NELL1: variants seen among roughly 807,000 people sequenced by gnomAD.
NELL1 encodes the protein protein kinase C-binding protein NELL1.
In NELL1, 76 loss-of-function variants were observed where a neutral mutation model predicts 107.4. The ratio of observed to expected loss-of-function variants is 0.71; its 90% confidence interval spans 0.59 to 0.86. NELL1 has a LOEUF of 0.86. Ranked by LOEUF, NELL1 falls within the 40% of genes least tolerant of loss-of-function variation. NELL1 has a pLI of 0.00. For synonymous variants in NELL1, 353 were observed against 341.2 expected, an observed-to-expected ratio of 1.03 and a Z score of -0.38; for missense variants, 1,024 against 1,005.5, an observed-to-expected ratio of 1.02 and a Z score of -0.25.
intron 12 of NELL1, among the ~76,000 whole-genome samples, chr11:20,971,459 A>G (rs1482312760): frequency 6.6e-6 from 1 of 152,156 alleles, no homozygotes; most frequent in Non-Finnish European, 1.5e-5. Context: ...TTTTTTGGTT[A>G]TTTAAAAATA....
At chr11:20,721,578 T>C (rs923786287) in intron 2 of NELL1, among the ~76,000 whole-genome samples, 4 of 152,192 alleles carry the variant, frequency 2.6e-5, no homozygotes, top group Non-Finnish European at 5.9e-5. Flanking sequence ...TCAAATTTCA[T>C]TGGCCAAAGT....
chr11:21,092,069 G>A (rs892058481), intron 12 of NELL1, among the ~76,000 whole-genome samples: 4 of 152,314 alleles, frequency 2.6e-5, no homozygotes, highest in African/African-American at 7.2e-5. Context: ...ATGGCACCGA[G>A]TATTCCAAGG....
intron 4 of NELL1, among the ~76,000 whole-genome samples, chr11:20,859,682 G>T (rs1477629835): frequency 6.6e-6 from 1 of 152,130 alleles, no homozygotes; most frequent in African/African-American, 2.4e-5. Flanking sequence ...AACTACTGGT[G>T]GTGAAATCAA....
intron 12 of NELL1, among the ~76,000 whole-genome samples, chr11:21,071,400 A>G (rs1854011373): frequency 6.6e-6 from 1 of 152,214 alleles, no homozygotes; most frequent in Non-Finnish European, 1.5e-5. Context: ...TGGCCTCTCA[A>G]TAAATAGTAA....
intron 16 of NELL1, among the ~76,000 whole-genome samples, chr11:21,541,916 C>T (rs1856302111): frequency 6.6e-6 from 1 of 152,044 alleles, no homozygotes. Flanking sequence ...TAAGAGATAA[C>T]ATTTATTGAG....
intron 4 of NELL1, among the ~76,000 whole-genome samples, chr11:20,871,632 A>AT (rs141890640): frequency 0.057 from 8,071 of 140,658 alleles, 728 homozygotes; most frequent in African/African-American, 0.19. Context: ...CTACTTTCTC[A>AT]TTTTTTTTTT....
chr11:21,400,075 A>G (rs903788709), intron 15 of NELL1, among the ~76,000 whole-genome samples: 4 of 151,806 alleles, frequency 2.6e-5, no homozygotes, highest in African/African-American at 9.7e-5. Flanking sequence ...CCACTTTAAA[A>G]TAACTTTTAA....
intron 12 of NELL1, among the ~76,000 whole-genome samples, chr11:21,025,791 A>G (rs1406815684): frequency 5.3e-5 from 8 of 152,148 alleles, no homozygotes; most frequent in Non-Finnish European, 8.8e-5. Flanking sequence ...TTGAAAATGA[A>G]TGCAAAATTT....
At chr11:21,440,493 A>G (rs938491038) in intron 15 of NELL1, among the ~76,000 whole-genome samples, 26 of 152,336 alleles carry the variant, frequency 1.7e-4, no homozygotes, top group Admixed American at 5.9e-4. Flanking sequence ...CCGTGAAGTC[A>G]GGCTCTTGTC....
chr11:21,566,920 T>G (rs370648852), intron 17 of NELL1, among the ~76,000 whole-genome samples: 54 of 151,998 alleles, frequency 3.6e-4, no homozygotes, highest in African/African-American at 1.2e-3. Flanking sequence ...AGGGGCCTAT[T>G]TGGCATTTTC....
At chr11:20,970,389 T>C (rs1427706770) in intron 12 of NELL1, among the ~76,000 whole-genome samples, 1 of 152,074 alleles carries the variant, frequency 6.6e-6, no homozygotes, top group African/African-American at 2.4e-5. Flanking sequence ...TTGTGTTGGC[T>C]AAAGATGATT....
rs1217987205 is a variant in NELL1 at position 20,919,309 on chromosome 11, A to T, written c.734A>T (p.Glu245Val). Residue 245 changes from glutamate (E) to valine (V), a missense_variant, in exon 7 of 20, where the codon GAG becomes GTG. By Grantham distance (121) the Glu-to-Val change is moderately radical. Transcript: ENST00000357134. ...GTGCAAGGAATAATGGATTTACAAG[A>T]GCTTTTGGCCAAGATGACTGCAAAA... ...SLVQGIMDLQELLAKMTAKLN... is the reference protein window; with the variant it reads ...SLVQGIMDLQVLLAKMTAKLN... 1 of 1,605,882 alleles carries T rather than the reference A, an allele frequency of 6.2e-7. No homozygotes were observed. The highest frequency in any genetic ancestry group is 2.2e-5 in the East Asian group (1 of 44,672).
intron 15 of NELL1, among the ~76,000 whole-genome samples, chr11:21,445,756 CT>C (rs1410623063): frequency 5.3e-5 from 8 of 152,160 alleles, no homozygotes; most frequent in African/African-American, 1.4e-4. Context: ...GTGTTTTCAG[CT>C]TTTGCTGTCT....
intron 15 of NELL1, among the ~76,000 whole-genome samples, chr11:21,458,178 G>A (rs761231720): frequency 1.3e-5 from 2 of 152,158 alleles, no homozygotes; most frequent in African/African-American, 4.8e-5. Context: ...GTAAGAACCA[G>A]TAGAGAGGGA....
intron 2 of NELL1, among the ~76,000 whole-genome samples, chr11:20,762,131 T>C (rs1354007433): frequency 6.6e-6 from 1 of 152,216 alleles, no homozygotes; most frequent in East Asian, 1.9e-4. Flanking sequence ...GCCAGGTTCA[T>C]ATGGAGCAGA....
At chr11:21,527,766 G>T (rs1020953379) in intron 15 of NELL1, among the ~76,000 whole-genome samples, 26 of 152,012 alleles carry the variant, frequency 1.7e-4, no homozygotes, top group Non-Finnish European at 3.1e-4. Flanking sequence ...TCCAAAAGCT[G>T]AAGAGCTTGG....
chr11:21,196,852 G>A (rs1481165078), intron 13 of NELL1, among the ~76,000 whole-genome samples: 1 of 147,808 alleles, frequency 6.8e-6, no homozygotes, highest in African/African-American at 2.5e-5. Flanking sequence ...TACCCATGGT[G>A]TTATTTAATT....
At chr11:20,907,260 C>T (rs76929535) in intron 5 of NELL1, among the ~76,000 whole-genome samples, 3,449 of 144,020 alleles carry the variant, frequency 0.024, 94 homozygotes, top group East Asian at 0.16. Context: ...ATTTCTTCAT[C>T]AAAAGAGATT....
At chr11:21,341,903 T>A (rs1377154621) in intron 14 of NELL1, among the ~76,000 whole-genome samples, 1 of 152,218 alleles carries the variant, frequency 6.6e-6, no homozygotes, top group East Asian at 1.9e-4. Flanking sequence ...TTGTTCACGT[T>A]TTCTAAACAT....
Sources: allele counts gnomAD v4.1 joint callset (sites outside exome capture counted in the v4.1 genomes callset), GRCh38; gene constraint gnomAD v4.1.1; transcripts MANE v1.5; gene names NCBI Gene and HGNC (gene_info 2026-07-23, HGNC 2026-07-21).